IL1RAPL1: variants seen among roughly 807,000 people sequenced by gnomAD.
The protein encoded by IL1RAPL1 is interleukin-1 receptor accessory protein-like 1.
A neutral mutation model predicts 48.4 loss-of-function variants in IL1RAPL1; 3 were observed. The ratio of observed to expected loss-of-function variants is 0.06; its 90% CI spans 0.03 to 0.16. IL1RAPL1 has a LOEUF of 0.16. Among genes scored for constraint, IL1RAPL1 ranks in the 10% least tolerant of loss-of-function variants. IL1RAPL1 has a pLI of 1.00. For missense variants in IL1RAPL1, 349 were observed against 530.6 expected, an observed-to-expected ratio of 0.66 and a Z score of 3.36; for synonymous variants, 185 against 187.7, an observed-to-expected ratio of 0.99 and a Z score of 0.12.
At chrX:29,724,861 C>T in intron 6 of IL1RAPL1, among the ~76,000 whole-genome samples, 1 of 111,910 alleles carries the variant, frequency 8.9e-6, no homozygotes, top group Non-Finnish European at 1.9e-5. Context: ...ATATTATGTA[C>T]TGCTACTATT....
At chrX:29,670,993 A>C (rs1926125696) in intron 6 of IL1RAPL1, among the ~76,000 whole-genome samples, 2 of 111,835 alleles carry the variant, frequency 1.8e-5, no homozygotes, top group Non-Finnish European at 3.8e-5. Flanking sequence ...AAACTCTTGT[A>C]AGAGTTACGT....
At chrX:28,703,729 C>G (rs772538407) in intron 1 of IL1RAPL1, among the ~76,000 whole-genome samples, 1 of 111,909 alleles carries the variant, frequency 8.9e-6, no homozygotes, top group African/African-American at 3.2e-5. Context: ...GAGCAAACAT[C>G]AAAATCGCCT....
intron 3 of IL1RAPL1, among the ~76,000 whole-genome samples, chrX:29,325,468 A>T (rs1932836869): frequency 8.9e-6 from 1 of 111,894 alleles, no homozygotes. Flanking sequence ...TTGTTATTTT[A>T]TTTTTGCCAT....
chrX:28,668,425 AT>A (rs1934906817), intron 1 of IL1RAPL1, among the ~76,000 whole-genome samples: 1 of 111,552 alleles, frequency 9.0e-6, no homozygotes, highest in Non-Finnish European at 1.9e-5. Context: ...TACCCGGCTA[AT>A]TTTTTGTATC....
At chrX:29,666,190 A>G in intron 5 of IL1RAPL1, among the ~76,000 whole-genome samples, 1 of 111,779 alleles carries the variant, frequency 8.9e-6, no homozygotes, top group East Asian at 2.8e-4. Context: ...AAGGACAGAA[A>G]CTAAAGATAT....
At chrX:29,434,063 A>G (rs1344103616) in intron 5 of IL1RAPL1, among the ~76,000 whole-genome samples, 2 of 110,100 alleles carry the variant, frequency 1.8e-5, no homozygotes, top group African/African-American at 3.3e-5. Context: ...ATTTGTATAT[A>G]AAATAGATAT....
intron 2 of IL1RAPL1, among the ~76,000 whole-genome samples, chrX:29,176,843 A>G (rs1049799686): frequency 9.0e-6 from 1 of 111,138 alleles, no homozygotes; most frequent in African/African-American, 3.3e-5. Context: ...ATTTCTTGTT[A>G]TTGACAAGCA....
chrX:28,802,488 A>G (rs1936687997), intron 2 of IL1RAPL1, among the ~76,000 whole-genome samples: 1 of 112,334 alleles, frequency 8.9e-6, no homozygotes, highest in Non-Finnish European at 1.9e-5. Context: ...TATTCTCAAC[A>G]CTATTCAATT....
At chrX:29,727,357 A>G (rs1414564961) in intron 6 of IL1RAPL1, among the ~76,000 whole-genome samples, 1 of 112,170 alleles carries the variant, frequency 8.9e-6, no homozygotes, top group East Asian at 2.8e-4. Flanking sequence ...AAGGATATGA[A>G]AAAAGAGGCA....
At chrX:29,231,683 G>T (rs185488728) in intron 2 of IL1RAPL1, among the ~76,000 whole-genome samples, 10 of 111,756 alleles carry the variant, frequency 8.9e-5, no homozygotes, top group Admixed American at 8.6e-4. Context: ...CCTACCCCAG[G>T]TGATTCTGAT....
intron 6 of IL1RAPL1, among the ~76,000 whole-genome samples, chrX:29,742,647 T>TG (rs917384130): frequency 1.8e-5 from 2 of 111,552 alleles, no homozygotes; most frequent in Non-Finnish European, 3.8e-5. Context: ...TAAAACAGAA[T>TG]GGAAAAAAAA....
At position 28,734,080 on chromosome X, in the gene IL1RAPL1, A is replaced by G. The variant is rs185610889; in HGVS notation, c.-24-55240A>G. On this transcript the variant is annotated intron_variant, in intron 1 of 10. Transcript: ENST00000378993. ...ACTTTCTGTTGGCTTGACCTTCACA[A>G]GAGATCCAGATGGTGACCATTTCTT... Among the ~76,000 whole-genome samples, 119 of 111,404 alleles carry G rather than the reference A, an allele frequency of 1.1e-3. 1 individual carries two copies. The highest frequency in any genetic ancestry group is 3.0e-3 in the African/African-American group (92 of 30,687).
At chrX:29,388,523 A>G (rs1023608336) in intron 3 of IL1RAPL1, among the ~76,000 whole-genome samples, 1 of 112,245 alleles carries the variant, frequency 8.9e-6, no homozygotes, top group Admixed American at 9.5e-5. Context: ...GTGAAAACAA[A>G]CCCAAATGTC....
At chrX:29,199,098 T>C (rs1602107702) in intron 2 of IL1RAPL1, among the ~76,000 whole-genome samples, 1 of 111,934 alleles carries the variant, frequency 8.9e-6, no homozygotes, top group African/African-American at 3.2e-5. Flanking sequence ...AATTGAACAA[T>C]TAAATAAATT....
chrX:29,760,164 A>G (rs981895041), intron 6 of IL1RAPL1, among the ~76,000 whole-genome samples: 1 of 111,643 alleles, frequency 9.0e-6, no homozygotes. Flanking sequence ...TAGGCTTCCC[A>G]GTCAGTGCCT....
chrX:29,161,103 G>A (rs1285647380), intron 2 of IL1RAPL1, among the ~76,000 whole-genome samples: 2 of 111,045 alleles, frequency 1.8e-5, no homozygotes, highest in Non-Finnish European at 3.8e-5. Flanking sequence ...ACAGCAAGTG[G>A]ATGGATGGAA....
chrX:29,556,935 G>C (rs1922021742), intron 5 of IL1RAPL1, among the ~76,000 whole-genome samples: 1 of 111,388 alleles, frequency 9.0e-6, no homozygotes, highest in African/African-American at 3.3e-5. Flanking sequence ...GATTCATTTA[G>C]TCTGGAGAAA....
At chrX:28,875,508 CAGGATGGAGTT>C (rs1362411445) in intron 2 of IL1RAPL1, among the ~76,000 whole-genome samples, 3 of 111,970 alleles carry the variant, frequency 2.7e-5, no homozygotes, top group Middle Eastern at 4.6e-3. Flanking sequence ...ATGTCTATTT[CAGGATGGAGTT>C]GCTGGCTGAT....
At chrX:29,267,784 T>C (rs1310936952) in intron 2 of IL1RAPL1, among the ~76,000 whole-genome samples, 2 of 112,168 alleles carry the variant, frequency 1.8e-5, no homozygotes, top group African/African-American at 6.5e-5. Context: ...ATGCCATGTG[T>C]AAATTGGTCA....
Sources: gnomAD v4.1 joint callset for allele counts (sites outside exome capture counted in the v4.1 genomes callset) on GRCh38, gnomAD v4.1.1 for gene constraint, MANE v1.5 for transcripts, NCBI Gene and HGNC (gene_info 2026-07-23, HGNC 2026-07-21) for gene names.